OTUD7A: variants seen among roughly 807,000 people sequenced by gnomAD.
The protein encoded by OTUD7A is OTU deubiquitinase 7A.
OTUD7A carries 12 observed loss-of-function variants against 65.7 expected under a neutral mutation model. That is an observed-to-expected ratio of 0.18 (90% confidence interval 0.12 to 0.30). The LOEUF is 0.30. Ranked by LOEUF, OTUD7A falls within the 10% of genes least tolerant of loss-of-function variation. The probability of loss-of-function intolerance (pLI) is 1.00; values close to 1 mark genes in which losing one functional copy is unlikely to be tolerated. For synonymous variants in OTUD7A, 641 were observed against 586.3 expected (o/e 1.09, Z -1.35); for missense variants, 1,148 against 1,304.8 (o/e 0.88, Z 1.85).
intron 6 of OTUD7A, 77 bp from the exon 7 acceptor site, chr15:31,527,385 C>T (rs2042029626): frequency 4.5e-6 from 7 of 1,540,332 alleles, no homozygotes. Context: ...TGCAAACTAC[C>T]ACGACCCACT....
intron 7 of OTUD7A, 126 bp downstream of exon 7, chr15:31,527,052 CCAG>C (rs2042024517): frequency 2.2e-6 from 3 of 1,368,156 alleles, no homozygotes; most frequent in Non-Finnish European, 3.0e-6. Context: ...TTTCCTGATC[CCAG>C]GGGCTGTTTC....
At chr15:31,850,130 A>C (rs756977274) in intron 1 of OTUD7A, among the ~76,000 whole-genome samples, 2 of 152,224 alleles carry the variant, frequency 1.3e-5, no homozygotes, top group Non-Finnish European at 2.9e-5. Context: ...CTGCAGCACT[A>C]ATCACAATAG....
intron 1 of OTUD7A, among the ~76,000 whole-genome samples, chr15:31,760,828 A>G (rs930977509): frequency 2.0e-5 from 3 of 152,220 alleles, no homozygotes; most frequent in African/African-American, 7.2e-5. Context: ...TTAAGATAGT[A>G]TGGTATTGGC....
intron 1 of OTUD7A, among the ~76,000 whole-genome samples, chr15:31,739,460 G>A (rs1894279755): frequency 6.6e-6 from 1 of 152,176 alleles, no homozygotes; most frequent in Non-Finnish European, 1.5e-5. Flanking sequence ...TAACAGTTTG[G>A]CTAACTTTAG....
rs188818330 is a variant in OTUD7A at position 31,498,569 on chromosome 15, C to A, written c.1171+3121G>T. Among the ~76,000 whole-genome samples the A allele has an allele frequency of 5.7e-4, 87 of 152,304 alleles. 1 individual carries two copies. Among genetic ancestry groups the A allele is most frequent in the Admixed American group, 4.6e-3 (71 of 15,300 alleles). On this transcript the variant is annotated intron_variant, in intron 10 of 12. Transcript: ENST00000307050. The surrounding 1 kb of genome is among the most constrained non-coding windows in gnomAD (Gnocchi z 4.2). ...TGATTTTTCATAATGTACACATTTG[C>A]TCAGTGGCCAGTAGGAACTGACCTG...
chr15:31,484,629 G>A lies in OTUD7A; in HGVS notation c.1467C>T (p.Cys489=). 1.3e-6 allele frequency: 2 copies of A among 1,595,852 alleles called. No individual in the cohort carries two copies. Among genetic ancestry groups the A allele is most frequent in the Middle Eastern group, 1.7e-4 (1 of 6,050 alleles). ...TGCCGTTATTGCTGTTAGAATTGCT[G>A]CACACCGAATCGCGGTCCGAGTCCA... ...DSLDSDRDSV[C]SNSNSNNGKN... Residue 489 remains cysteine, a synonymous_variant, in exon 13 of 13, where the codon TGC becomes TGT. Transcript: ENST00000307050. This position sits in a 1 kb window ranked among gnomAD's most constrained non-coding sequence, Gnocchi z 4.5.
At chr15:31,833,692 C>A (rs1405763689) in intron 1 of OTUD7A, among the ~76,000 whole-genome samples, 1 of 152,222 alleles carries the variant, frequency 6.6e-6, no homozygotes, top group African/African-American at 2.4e-5. Context: ...TCTTTTAGAA[C>A]CAGGCTAGAT....
At chr15:31,738,031 GCTT>G (rs1894240698) in intron 1 of OTUD7A, among the ~76,000 whole-genome samples, 1 of 152,162 alleles carries the variant, frequency 6.6e-6, no homozygotes, top group Non-Finnish European at 1.5e-5. Flanking sequence ...ACATTTTTTA[GCTT>G]CTTTTCATTG....
intron 10 of OTUD7A, among the ~76,000 whole-genome samples, chr15:31,497,041 C>A (rs989740045): frequency 6.6e-6 from 1 of 152,140 alleles, no homozygotes; most frequent in Non-Finnish European, 1.5e-5. Context: ...TCTGTTCACA[C>A]CAGCATCTCC....
At position 31,773,413 on chromosome 15, in the gene OTUD7A, T is replaced by TATAG. The variant is rs532181771; in HGVS notation, c.-100+97090_-100+97093dup. On this transcript the variant is annotated intron_variant, in intron 1 of 12. Coordinates refer to ENST00000307050, the MANE Select transcript of OTUD7A (RefSeq NM_001382637.1). ...GTCTGATAAGGGCCTGCTACCCATT[T>TATAG]ATAGATGGTGCCTTCTCCCCATCCT... Among the ~76,000 whole-genome samples the TATAG allele has an allele frequency of 1.8e-4, 27 of 152,336 alleles. No homozygotes were observed. The East Asian group carries it at 5.0e-3, about 28-fold the overall frequency.
At chr15:31,833,918 T>C (rs1366603855) in intron 1 of OTUD7A, among the ~76,000 whole-genome samples, 1 of 152,230 alleles carries the variant, frequency 6.6e-6, no homozygotes, top group Non-Finnish European at 1.5e-5. Context: ...GCTCTGCTTT[T>C]TGGGGGGTCC....
chr15:31,645,170 C>T (rs1175034514), intron 3 of OTUD7A, among the ~76,000 whole-genome samples: 5 of 152,218 alleles, frequency 3.3e-5, no homozygotes, highest in Admixed American at 6.5e-5. Context: ...CCCTGTACCA[C>T]GGATTAGAAA....
At chr15:31,860,079 C>T (rs1897680443) in intron 1 of OTUD7A, among the ~76,000 whole-genome samples, 1 of 152,106 alleles carries the variant, frequency 6.6e-6, no homozygotes, top group Admixed American at 6.6e-5. Flanking sequence ...ATCCATGTGA[C>T]CTTCCATTTT....
intron 4 of OTUD7A, among the ~76,000 whole-genome samples, chr15:31,569,045 T>C (rs1036005255): frequency 6.6e-6 from 1 of 152,166 alleles, no homozygotes; most frequent in African/African-American, 2.4e-5. Context: ...CAGCACACCA[T>C]ACATTGTAAT....
intron 1 of OTUD7A, among the ~76,000 whole-genome samples, chr15:31,806,468 C>G (rs1387616474): frequency 1.3e-5 from 2 of 152,192 alleles, no homozygotes; most frequent in African/African-American, 2.4e-5. Context: ...ATATATTGAA[C>G]CAGACATTCA....
At chr15:31,769,661 C>T (rs750027028) in intron 1 of OTUD7A, among the ~76,000 whole-genome samples, 10 of 152,172 alleles carry the variant, frequency 6.6e-5, no homozygotes, top group African/African-American at 1.7e-4. Context: ...TTTCACACAA[C>T]AAGGATAAAT....
chr15:31,735,233 TC>T (rs1225263285), intron 1 of OTUD7A, among the ~76,000 whole-genome samples: 2 of 151,810 alleles, frequency 1.3e-5, no homozygotes. Context: ...TATTAAAAAG[TC>T]AAAAAATGGC....
At chr15:31,635,827 C>T (rs1170760498) in intron 3 of OTUD7A, among the ~76,000 whole-genome samples, 1 of 152,176 alleles carries the variant, frequency 6.6e-6, no homozygotes, top group Non-Finnish European at 1.5e-5. Flanking sequence ...CAAACGGGGG[C>T]CATGTGGGAA....
intron 1 of OTUD7A, among the ~76,000 whole-genome samples, chr15:31,862,334 G>A (rs1201044891): frequency 6.6e-6 from 1 of 152,168 alleles, no homozygotes; most frequent in African/African-American, 2.4e-5. Context: ...CGGCTTCCTG[G>A]GGAGTTCACT....
Sources: gnomAD v4.1 joint callset for allele counts (sites outside exome capture counted in the v4.1 genomes callset) on GRCh38, gnomAD v4.1.1 for gene constraint, Gnocchi (gnomAD v3.1) non-coding constraint, MANE v1.5 for transcripts, NCBI Gene and HGNC (gene_info 2026-07-23, HGNC 2026-07-21) for gene names.